Variants in CHD1 observed in about 807,000 individuals in gnomAD.
CHD1 encodes the protein ATP-dependent chromatin remodeler CHD1.
In CHD1, 36 loss-of-function variants were observed where a neutral mutation model predicts 224.2. That is an observed-to-expected ratio of 0.16 (90% CI 0.12 to 0.21). CHD1 has a LOEUF of 0.21. CHD1 is among the 10% of genes least tolerant of loss of function. CHD1 has a pLI of 1.00. For synonymous variants in CHD1, 668 were observed against 658.3 expected, an observed-to-expected ratio of 1.01 and a Z score of -0.23; for missense variants, 1,378 against 1,994.8, an observed-to-expected ratio of 0.69 and a Z score of 5.89.
intron 25 of CHD1, among the ~76,000 whole-genome samples, chr5:98,874,013 T>C (rs913337709): frequency 5.3e-5 from 8 of 152,212 alleles, no homozygotes; most frequent in Admixed American, 1.3e-4. Flanking sequence ...ATGTTCAGAA[T>C]GAAGTGGTAA....
Position 98,881,295 on chromosome 5 carries a change from TCTC to T in CHD1, c.2945_2947del (p.Gly982del). 1.3e-6 allele frequency: 2 copies of T among 1,484,800 alleles called. No homozygotes were observed. Among genetic ancestry groups the T allele is most frequent in the Non-Finnish European group, 9.1e-7 (1 of 1,103,680 alleles). 92.0% of individuals were successfully genotyped at this position (1,484,800 alleles called of 1,614,324 possible). On this transcript the variant is annotated inframe_deletion, in exon 21 of 36. Coordinates refer to ENST00000614616, the MANE Select transcript of CHD1 (RefSeq NM_001270.4). ...TTTTTTTACCTGGGGCTCTTGTTCTTCTCCTTCAGGTTCCTTAAAAAGTTCTTC... is the reference window on the plus strand; with the variant it reads ...TTTTTTTACCTGGGGCTCTTGTTCTTCTTCAGGTTCCTTAAAAAGTTCTTC...
At chr5:98,909,926 C>T (rs1015822974) in intron 2 of CHD1, among the ~76,000 whole-genome samples, 1 of 152,122 alleles carries the variant, frequency 6.6e-6, no homozygotes, top group Non-Finnish European at 1.5e-5. Context: ...CTTTGATAAC[C>T]TGCCTATCTT....
intron 30 of CHD1, 183 bp downstream of exon 30, chr5:98,869,571 G>A (rs1749158572): frequency 3.2e-6 from 2 of 624,708 alleles, no homozygotes; most frequent in East Asian, 6.1e-5. Flanking sequence ...TTAGAATTCT[G>A]TTCTATAATT....
intron 2 of CHD1, among the ~76,000 whole-genome samples, chr5:98,917,590 G>C (rs879750433): frequency 1.3e-5 from 2 of 152,176 alleles, no homozygotes; most frequent in Non-Finnish European, 2.9e-5. Flanking sequence ...CAGTGGAACT[G>C]AGAAATAGCT....
intron 5 of CHD1, among the ~76,000 whole-genome samples, chr5:98,901,809 C>T (rs1751732902): frequency 6.6e-6 from 1 of 150,544 alleles, no homozygotes; most frequent in South Asian, 2.1e-4. Flanking sequence ...AGTACCTTAC[C>T]TGTATTATTA....
chr5:98,911,146 A>AAAAAATATAT (rs1491111295), intron 2 of CHD1, among the ~76,000 whole-genome samples: 12 of 39,130 alleles, frequency 3.1e-4, no homozygotes, highest in African/African-American at 7.2e-4. Flanking sequence ...AAAAAAAAAA[A>AAAAAATATAT]ATATATATAT....
intron 35 of CHD1, among the ~76,000 whole-genome samples, chr5:98,857,644 T>C (rs1003102318): frequency 2.0e-5 from 3 of 152,106 alleles, no homozygotes; most frequent in Admixed American, 2.0e-4. Context: ...AAAAGTATTC[T>C]GATGTTATTA....
chr5:98,878,717 T>C lies in CHD1; in HGVS notation c.3237+835A>G, dbSNP rs181609367. ...ATGATTAACAAACATAGTTGAAAAA[T>C]TTCCTAAATATCTGAACATTTTAAA... On this transcript the variant is annotated intron_variant, in intron 23 of 35. Coordinates refer to ENST00000614616, the MANE Select transcript of CHD1 (RefSeq NM_001270.4). 6.6e-5 allele frequency among the ~76,000 whole-genome samples: 10 copies of C among 152,134 alleles called. No individual in the cohort carries two copies. In the East Asian group the frequency reaches 1.7e-3, roughly 26 times the overall value.
chr5:98,881,906 G>A, intron 20 of CHD1, 69 bp downstream of exon 20: 1 of 1,330,542 alleles, frequency 7.5e-7, no homozygotes, highest in Non-Finnish European at 1.1e-6. Context: ...GATCTACAGT[G>A]ATGTAACATA....
chr5:98,882,662 T>G (rs1317072406), intron 19 of CHD1, among the ~76,000 whole-genome samples: 1 of 152,186 alleles, frequency 6.6e-6, no homozygotes. Flanking sequence ...TACCACCATT[T>G]AAGGGTATGT....
At chr5:98,922,212 C>A (rs1753144509) in intron 2 of CHD1, among the ~76,000 whole-genome samples, 1 of 152,046 alleles carries the variant, frequency 6.6e-6, no homozygotes, top group Non-Finnish European at 1.5e-5. Flanking sequence ...GAAAAATTTG[C>A]TTGCAAATAC....
chr5:98,917,299 C>CAAAAAAAAAAAAAAAAAAAAAAAAAA (rs70984334), intron 2 of CHD1, among the ~76,000 whole-genome samples: 48 of 119,816 alleles, frequency 4.0e-4, no homozygotes, highest in African/African-American at 8.7e-4. Flanking sequence ...AACAAAGAAA[C>CAAAAAAAAAAAAAAAAAAAAAAAAAA]AAAAAAAAAA....
intron 2 of CHD1, among the ~76,000 whole-genome samples, chr5:98,922,153 TA>T (rs779491934): frequency 5.3e-5 from 8 of 150,536 alleles, no homozygotes; most frequent in African/African-American, 2.0e-4. Flanking sequence ...CCATCTCAAT[TA>T]AAAAAAAACA....
intron 1 of CHD1, 33 bp downstream of exon 1, chr5:98,928,504 CCA>C (rs1753654065): frequency 6.6e-6 from 1 of 152,218 alleles, no homozygotes; most frequent in African/African-American, 2.4e-5. Context: ...GTCCTCTCCG[CCA>C]CATCCTGACC....
intron 2 of CHD1, among the ~76,000 whole-genome samples, chr5:98,924,277 T>C (rs1215668464): frequency 2.0e-5 from 3 of 151,798 alleles, no homozygotes. Context: ...AAAAAAAAAT[T>C]GTGGGTGGAC....
intron 24 of CHD1, 147 bp downstream of exon 24, chr5:98,876,251 A>G: frequency 1.3e-6 from 1 of 771,894 alleles, no homozygotes; most frequent in Non-Finnish European, 2.1e-6. Context: ...ACAAATACCC[A>G]AAAGCAGAAC....
rs1747912517 is a variant in CHD1 at position 98,854,963 on chromosome 5, T to C, written c.*1417A>G. 1 of 152,126 alleles carries C rather than the reference T, an allele frequency of 6.6e-6. No individual in the cohort carries two copies. The allele number at this position is 152,126 out of a possible 1,614,324, so 9.4% of individuals were successfully genotyped here. ...ATATAAAGCATCCCATAATAATATC[T>C]GTAGGAAGCCAAAAGGGGCCAACAA... On this transcript the variant is annotated 3_prime_UTR_variant, in exon 36 of 36. Transcript: ENST00000614616.
At position 98,902,908 on chromosome 5, in the gene CHD1, CT is replaced by C; in HGVS notation, c.428del (p.Lys143SerfsTer106). The C allele has an allele frequency of 6.3e-7, 1 of 1,595,438 alleles. No individual in the cohort carries two copies. The highest frequency in any genetic ancestry group is 8.6e-7 in the Non-Finnish European group (1 of 1,165,846). The part of the protein sequence containing the change: ...DDSSSEVKRK[K>X]HKDEDWQMSG... Reference sequence around the variant, plus strand: ...TGAACAAAATGACATACTCTTTATGCTTTTTCCTTTTGACCTCACTTGATGA... The same window carrying C: ...TGAACAAAATGACATACTCTTTATGCTTTTCCTTTTGACCTCACTTGATGA... On this transcript the variant is annotated frameshift_variant, in exon 5 of 36. Transcript: ENST00000614616. LOFTEE classifies it high-confidence loss of function.
intron 2 of CHD1, among the ~76,000 whole-genome samples, chr5:98,906,407 G>T (rs893851554): frequency 2.0e-5 from 3 of 152,084 alleles, no homozygotes; most frequent in African/African-American, 7.2e-5. Flanking sequence ...TACCTTGCGA[G>T]AAATTTTAGC....
Sources: gnomAD v4.1 joint callset for allele counts (sites outside exome capture counted in the v4.1 genomes callset) on GRCh38, gnomAD v4.1.1 for gene constraint, MANE v1.5 for transcripts, NCBI Gene and HGNC (gene_info 2026-07-23, HGNC 2026-07-21) for gene names.